TSNARE1: variants seen among roughly 807,000 people sequenced by gnomAD.
TSNARE1 encodes t-SNARE domain-containing protein 1.
TSNARE1 carries 49 observed loss-of-function variants against 62.0 expected under a neutral mutation model. The ratio of observed to expected loss-of-function variants is 0.79; its 90% CI spans 0.63 to 1.00. The LOEUF (loss-of-function observed/expected upper bound fraction) is 1.00. TSNARE1 is among the 50% of genes least tolerant of loss of function. TSNARE1 has a pLI of 0.00. For missense variants in TSNARE1, 755 were observed against 700.1 expected (o/e 1.08, Z -0.88); for synonymous variants, 328 against 294.4 (o/e 1.11, Z -1.17).
chr8:142,222,197 CTCACTCACTCATCCGCTCAT>C lies in TSNARE1; in HGVS notation c.*11+7256_*11+7275del, dbSNP rs1289912006. On this transcript the variant is annotated intron_variant, in intron 13 of 13. Coordinates refer to ENST00000524325, the MANE Select transcript of TSNARE1 (RefSeq NM_145003.5). ...ACTCACTCATCCACTCACTCATTCA[CTCACTCACTCATCCGCTCAT>C]TCACTCACTCATCCACTCATTCACT... is the stretch of plus-strand genomic sequence containing the variant. 4.9e-4 allele frequency among the ~76,000 whole-genome samples: 42 copies of C among 86,436 alleles called. 12 individuals are homozygous for C. In the Middle Eastern group the frequency reaches 0.018, roughly 38 times the overall value. The allele number at this position is 86,436 out of a possible 152,430, so 56.7% of individuals were successfully genotyped here.
chr8:142,280,632 C>T (rs1224334550), intron 11 of TSNARE1, among the ~76,000 whole-genome samples: 1 of 152,158 alleles, frequency 6.6e-6, no homozygotes, highest in Non-Finnish European at 1.5e-5. Flanking sequence ...GCATGAGTGC[C>T]CCTCGTGATC....
At chr8:142,352,301 T>A (rs1834194877) in intron 2 of TSNARE1, among the ~76,000 whole-genome samples, 1 of 152,232 alleles carries the variant, frequency 6.6e-6, no homozygotes, top group African/African-American at 2.4e-5. Flanking sequence ...CCATTCATTA[T>A]CAGAGAAACA....
intron 12 of TSNARE1, among the ~76,000 whole-genome samples, chr8:142,252,046 G>A (rs948350922): frequency 5.5e-5 from 8 of 144,512 alleles, no homozygotes; most frequent in East Asian, 4.3e-4. Context: ...CGCCGCCCAC[G>A]TTCTCTATCT....
chr8:142,242,733 G>T (rs1376526808), intron 12 of TSNARE1, among the ~76,000 whole-genome samples: 3 of 152,082 alleles, frequency 2.0e-5, no homozygotes, highest in African/African-American at 7.2e-5. Flanking sequence ...AGGCCAAGGC[G>T]GGTGGATCAC....
chr8:142,239,237 T>C (rs1817574487), intron 12 of TSNARE1, among the ~76,000 whole-genome samples: 2 of 152,180 alleles, frequency 1.3e-5, no homozygotes, highest in South Asian at 4.1e-4. Context: ...CTTAGCCAGG[T>C]GGGCTTCCCA....
chr8:142,334,670 A>G (rs997976867), intron 4 of TSNARE1, among the ~76,000 whole-genome samples: 1 of 152,242 alleles, frequency 6.6e-6, no homozygotes, highest in African/African-American at 2.4e-5. Context: ...GCAGAAAAAC[A>G]GTGATAAAGA....
intron 12 of TSNARE1, chr8:142,272,899 T>A (rs1819836780): frequency 1.0e-6 from 1 of 982,974 alleles, no homozygotes; most frequent in Non-Finnish European, 1.2e-6. Context: ...GGAAGGCCCC[T>A]CGCAGGCAGG....
intron 12 of TSNARE1, chr8:142,271,587 G>A: frequency 5.6e-6 from 8 of 1,427,244 alleles, no homozygotes; most frequent in Non-Finnish European, 7.3e-6. Context: ...GTGGGTGCGT[G>A]GAAGACTCCT....
chr8:142,227,747 T>C (rs1279011516), intron 13 of TSNARE1, among the ~76,000 whole-genome samples: 1 of 152,252 alleles, frequency 6.6e-6, no homozygotes, highest in African/African-American at 2.4e-5. Flanking sequence ...TCACAGTGTG[T>C]CTTCACACAA....
chr8:142,287,986 A>G (rs1030620436), intron 10 of TSNARE1, among the ~76,000 whole-genome samples: 6 of 152,222 alleles, frequency 3.9e-5, no homozygotes, highest in Non-Finnish European at 8.8e-5. Flanking sequence ...TGCTGCAGCC[A>G]CCAGCATGGG....
intron 10 of TSNARE1, among the ~76,000 whole-genome samples, chr8:142,294,830 G>A (rs902612988): frequency 1.3e-5 from 2 of 152,222 alleles, no homozygotes; most frequent in East Asian, 1.9e-4. Flanking sequence ...GCCAGGGCTC[G>A]CACTGCTGCT....
intron 12 of TSNARE1, chr8:142,273,872 C>T: frequency 1.0e-6 from 1 of 985,280 alleles, no homozygotes; most frequent in Non-Finnish European, 1.2e-6. Context: ...ATCCCAGCGT[C>T]CTGGGGATGT....
At chr8:142,303,419 C>T (rs58635845) in intron 9 of TSNARE1, among the ~76,000 whole-genome samples, 41,881 of 152,190 alleles carry the variant, frequency 0.28, 5,901 homozygotes, top group African/African-American at 0.3. Context: ...TCCTGAGGCC[C>T]GAGAACCCTC....
chr8:142,317,222 C>A (rs1426128160), intron 7 of TSNARE1, among the ~76,000 whole-genome samples: 1 of 149,670 alleles, frequency 6.7e-6, no homozygotes. Flanking sequence ...ACGCGTGAAG[C>A]GGGTACGACC....
At chr8:142,232,975 T>A (rs1817200671) in intron 12 of TSNARE1, among the ~76,000 whole-genome samples, 1 of 152,126 alleles carries the variant, frequency 6.6e-6, no homozygotes, top group South Asian at 2.1e-4. Flanking sequence ...GACCTGGGGC[T>A]CACTGCAGCC....
At chr8:142,295,209 G>A (rs978368819) in intron 10 of TSNARE1, among the ~76,000 whole-genome samples, 9 of 152,194 alleles carry the variant, frequency 5.9e-5, no homozygotes, top group Admixed American at 3.9e-4. Context: ...AACCCCTCCC[G>A]CTACGACCCT....
intron 12 of TSNARE1, chr8:142,270,163 G>C (rs916559778): frequency 1.0e-6 from 1 of 985,294 alleles, no homozygotes; most frequent in East Asian, 1.1e-4. Flanking sequence ...TGCCTAGGCT[G>C]GGGGGCTGCA....
intron 6 of TSNARE1, among the ~76,000 whole-genome samples, chr8:142,329,915 T>C (rs888088428): frequency 9.9e-5 from 15 of 152,208 alleles, no homozygotes; most frequent in Admixed American, 9.8e-4. Context: ...TGAGGCTGTG[T>C]GGCAGGCGCC....
At chr8:142,391,231 A>G (rs977970511) in intron 1 of TSNARE1, among the ~76,000 whole-genome samples, 3 of 147,162 alleles carry the variant, frequency 2.0e-5, no homozygotes, top group Non-Finnish European at 4.5e-5. Flanking sequence ...GGGACTCTAT[A>G]GCAGACGCTG....
Sources: allele counts gnomAD v4.1 joint callset (sites outside exome capture counted in the v4.1 genomes callset), GRCh38; gene constraint gnomAD v4.1.1; transcripts MANE v1.5; gene names NCBI Gene and HGNC (gene_info 2026-07-23, HGNC 2026-07-21).